Variants in AGTPBP1 observed in about 807,000 individuals in gnomAD.
AGTPBP1 encodes cytosolic carboxypeptidase 1.
Under a neutral mutation model 143.9 loss-of-function variants are expected in AGTPBP1, and 70 were observed. That is an observed-to-expected ratio of 0.49 (90% CI 0.40 to 0.59). The LOEUF is 0.59. AGTPBP1 is among the 20% of genes least tolerant of loss of function. The probability of loss-of-function intolerance (pLI) is 0.00; values close to 1 mark genes in which losing one functional copy is unlikely to be tolerated. For synonymous variants in AGTPBP1, 463 were observed against 500.2 expected, an observed-to-expected ratio of 0.93 and a Z score of 0.99; for missense variants, 1,229 against 1,464.5, an observed-to-expected ratio of 0.84 and a Z score of 2.62.
At chr9:85,705,137 T>A (rs1836900511) in intron 2 of AGTPBP1, among the ~76,000 whole-genome samples, 1 of 149,816 alleles carries the variant, frequency 6.7e-6, no homozygotes, top group African/African-American at 2.5e-5. Context: ...AAATATGTAA[T>A]AAAATTATGA....
intron 4 of AGTPBP1, among the ~76,000 whole-genome samples, chr9:85,679,375 T>G (rs117743619): frequency 0.018 from 2,755 of 152,276 alleles, 28 homozygotes; most frequent in Middle Eastern, 0.054. Context: ...AGTGTTTTTT[T>G]TTGTTGTTGT....
At chr9:85,771,649 T>C in the AGTPBP1 span, among the ~76,000 whole-genome samples, 1 of 148,638 alleles carries the variant, frequency 6.7e-6, no homozygotes, top group Non-Finnish European at 1.5e-5. Context: ...TTGACATAGA[T>C]AACTTTTTTT....
At chr9:85,738,608 T>A (rs182272690) in intron 1 of AGTPBP1, among the ~76,000 whole-genome samples, 10 of 152,208 alleles carry the variant, frequency 6.6e-5, no homozygotes, top group Non-Finnish European at 1.0e-4. Context: ...GATTAAAAGA[T>A]TAAAATAGCA....
intron 9 of AGTPBP1, 144 bp from the exon 10 acceptor site, chr9:85,657,787 A>AT (rs922489424): frequency 3.7e-6 from 2 of 547,850 alleles, no homozygotes; most frequent in Admixed American, 7.7e-5. Flanking sequence ...ACATATTTAT[A>AT]TTTTTTCTAA....
chr9:85,764,827 G>A, the AGTPBP1 span: 6,782 of 1,317,412 alleles, frequency 5.1e-3, 35 homozygotes, highest in Non-Finnish European at 6.2e-3. Context: ...AGATTTCAGA[G>A]CAAGTTGAAG....
intron 14 of AGTPBP1, among the ~76,000 whole-genome samples, chr9:85,630,387 C>CTTATTTAT (rs1245325032): frequency 1.9e-4 from 27 of 144,344 alleles, no homozygotes; most frequent in African/African-American, 7.2e-4. Flanking sequence ...TACTTACTTA[C>CTTATTTAT]TTACTTATTT....
intron 1 of AGTPBP1, among the ~76,000 whole-genome samples, chr9:85,725,805 G>A (rs1424236029): frequency 2.6e-5 from 4 of 151,982 alleles, no homozygotes; most frequent in Non-Finnish European, 5.9e-5. Flanking sequence ...TAGCACTTTG[G>A]GAGGCCAAGG....
intron 3 of AGTPBP1, among the ~76,000 whole-genome samples, chr9:85,689,969 C>T (rs2134244162): frequency 8.8e-6 from 1 of 113,448 alleles, no homozygotes; most frequent in East Asian, 2.7e-4. Flanking sequence ...AATAAAATAC[C>T]AGGTGCTGGG....
chr9:85,758,882 C>G, the AGTPBP1 span, among the ~76,000 whole-genome samples: 1 of 152,114 alleles, frequency 6.6e-6, no homozygotes, highest in East Asian at 1.9e-4. Flanking sequence ...AGGCCTCTCA[C>G]GTGCAGAGAC....
chr9:85,658,683 T>C (rs1451438686), intron 9 of AGTPBP1, among the ~76,000 whole-genome samples: 1 of 152,148 alleles, frequency 6.6e-6, no homozygotes, highest in Non-Finnish European at 1.5e-5. Flanking sequence ...GCCTGAATTA[T>C]TACAGTTTCT....
At chr9:85,619,405 T>A in intron 15 of AGTPBP1, 104 bp from the exon 16 acceptor site, 1 of 725,740 alleles carries the variant, frequency 1.4e-6, no homozygotes, top group Non-Finnish European at 2.2e-6. Context: ...TACTGCCATA[T>A]CACCTTCCTC....
intron 21 of AGTPBP1, among the ~76,000 whole-genome samples, chr9:85,587,950 AAT>A (rs1828716944): frequency 6.6e-6 from 1 of 151,994 alleles, no homozygotes; most frequent in Non-Finnish European, 1.5e-5. Context: ...TCATGCCACT[AAT>A]AAAAAAAAAA....
At chr9:85,556,646 A>C (rs74921841) in intron 25 of AGTPBP1, among the ~76,000 whole-genome samples, 149 of 152,322 alleles carry the variant, frequency 9.8e-4, no homozygotes, top group African/African-American at 3.3e-3. Context: ...TTATGCAAAA[A>C]CTAACCAACG....
At chr9:85,754,419 T>C in the AGTPBP1 span, among the ~76,000 whole-genome samples, 3 of 152,174 alleles carry the variant, frequency 2.0e-5, no homozygotes, top group Admixed American at 2.0e-4. Flanking sequence ...TTCGATTTCG[T>C]GATCTGCCTG....
At chr9:85,564,444 A>G (rs1826947663) in intron 25 of AGTPBP1, among the ~76,000 whole-genome samples, 1 of 152,212 alleles carries the variant, frequency 6.6e-6, no homozygotes, top group South Asian at 2.1e-4. Context: ...CTTGAATCTC[A>G]CCCATATCTG....
At chr9:85,712,669 C>G in intron 1 of AGTPBP1, 103 bp from the exon 2 acceptor site, 1 of 461,070 alleles carries the variant, frequency 2.2e-6, no homozygotes, top group Non-Finnish European at 3.7e-6. Flanking sequence ...ATGGGCAACA[C>G]AAGATAACAC....
At chr9:85,723,835 CTG>C (rs1344206035) in intron 1 of AGTPBP1, among the ~76,000 whole-genome samples, 2 of 152,188 alleles carry the variant, frequency 1.3e-5, no homozygotes, top group Admixed American at 6.6e-5. Context: ...TCTGGGTTGA[CTG>C]TCCTTCTAAA....
intron 2 of AGTPBP1, among the ~76,000 whole-genome samples, chr9:85,702,140 C>T (rs1448521837): frequency 6.6e-6 from 1 of 152,138 alleles, no homozygotes; most frequent in Non-Finnish European, 1.5e-5. Flanking sequence ...AGTCATCATT[C>T]TTCCTTCTCC....
chr9:85,651,604 T>C (rs1307419938), intron 11 of AGTPBP1, among the ~76,000 whole-genome samples: 3 of 152,188 alleles, frequency 2.0e-5, no homozygotes, highest in Non-Finnish European at 2.9e-5. Context: ...TAATTCATCA[T>C]CTGACTGGCT....
Sources: gnomAD v4.1 joint callset for allele counts (sites outside exome capture counted in the v4.1 genomes callset) on GRCh38, gnomAD v4.1.1 for gene constraint, MANE v1.5 for transcripts, NCBI Gene and HGNC (gene_info 2026-07-23, HGNC 2026-07-21) for gene names.